TOP6BL: variants seen among roughly 807,000 people sequenced by gnomAD.
TOP6BL encodes TOP6B like initiator of meiotic double strand breaks.
At chr11:66,779,079 A>G in the TOP6BL span, among the ~76,000 whole-genome samples, 3 of 152,348 alleles carry the variant, frequency 2.0e-5, no homozygotes, top group Non-Finnish European at 2.9e-5. Context: ...AACCTAGGCA[A>G]TACCATTCAG....
the TOP6BL span, among the ~76,000 whole-genome samples, chr11:66,806,500 G>A: frequency 6.6e-6 from 1 of 152,204 alleles, no homozygotes; most frequent in Non-Finnish European, 1.5e-5. Flanking sequence ...GGACACGGTG[G>A]CTCATGCCTG....
At chr11:66,802,434 T>A in the TOP6BL span, among the ~76,000 whole-genome samples, 2 of 152,166 alleles carry the variant, frequency 1.3e-5, no homozygotes, top group African/African-American at 2.4e-5. Flanking sequence ...ATTACAGGCA[T>A]GAGCCACTGC....
the TOP6BL span, among the ~76,000 whole-genome samples, chr11:66,774,447 CTTTGT>C: frequency 1.3e-5 from 2 of 151,758 alleles, no homozygotes; most frequent in South Asian, 2.1e-4. Flanking sequence ...TTTGGTGTTT[CTTTGT>C]TTTGTTTTGT....
At chr11:66,763,296 A>G in the TOP6BL span, among the ~76,000 whole-genome samples, 3 of 152,182 alleles carry the variant, frequency 2.0e-5, no homozygotes, top group Non-Finnish European at 4.4e-5. Context: ...GGCCCTCTGA[A>G]TCTACCTTCC....
At chr11:66,783,099 A>T in the TOP6BL span, among the ~76,000 whole-genome samples, 1 of 152,202 alleles carries the variant, frequency 6.6e-6, no homozygotes, top group South Asian at 2.1e-4. Flanking sequence ...TAATCCCAGC[A>T]CTCTGGGAGG....
chr11:66,760,892 AT>A, the TOP6BL span, among the ~76,000 whole-genome samples: 1 of 152,064 alleles, frequency 6.6e-6, no homozygotes, highest in Non-Finnish European at 1.5e-5. Flanking sequence ...ATGTATTACC[AT>A]TTTTTAATGA....
the TOP6BL span, chr11:66,801,142 C>G: frequency 1.9e-6 from 3 of 1,583,110 alleles, no homozygotes; most frequent in East Asian, 2.2e-5. Context: ...GCATGTTTTA[C>G]TCTCCTCTCG....
chr11:66,810,197 G>A, the TOP6BL span, among the ~76,000 whole-genome samples: 1 of 152,116 alleles, frequency 6.6e-6, no homozygotes, highest in Non-Finnish European at 1.5e-5. Context: ...GAATTTTTCA[G>A]ACATAGAAAA....
the TOP6BL span, among the ~76,000 whole-genome samples, chr11:66,823,452 T>C: frequency 1.3e-5 from 2 of 152,224 alleles, no homozygotes; most frequent in Non-Finnish European, 2.9e-5. Flanking sequence ...GGAATAGTAG[T>C]ATGTATACCA....
At chr11:66,803,763 G>A in the TOP6BL span, among the ~76,000 whole-genome samples, 8 of 152,100 alleles carry the variant, frequency 5.3e-5, no homozygotes, top group East Asian at 1.9e-4. Flanking sequence ...AGAAGCATCC[G>A]TTAGTGGCAG....
At chr11:66,750,103 A>G in the TOP6BL span, among the ~76,000 whole-genome samples, 1 of 152,176 alleles carries the variant, frequency 6.6e-6, no homozygotes, top group Middle Eastern at 3.4e-3. Flanking sequence ...ATCAATATCC[A>G]TTTTTTAGAA....
At chr11:66,823,991 C>G in the TOP6BL span, among the ~76,000 whole-genome samples, 1 of 152,158 alleles carries the variant, frequency 6.6e-6, no homozygotes, top group Non-Finnish European at 1.5e-5. Context: ...CAAATCCTGA[C>G]TCATTTACTT....
the TOP6BL span, chr11:66,758,104 G>A: frequency 1.0e-6 from 1 of 980,852 alleles, no homozygotes; most frequent in Non-Finnish European, 1.2e-6. Context: ...GAACTATGAG[G>A]TCATGTTTCT....
the TOP6BL span, chr11:66,838,408 G>A: frequency 6.2e-7 from 1 of 1,613,936 alleles, no homozygotes; most frequent in Non-Finnish European, 8.5e-7. Flanking sequence ...AGGGCACTGA[G>A]GACGCACCTG....
At chr11:66,788,813 C>T in the TOP6BL span, among the ~76,000 whole-genome samples, 2 of 152,148 alleles carry the variant, frequency 1.3e-5, no homozygotes, top group African/African-American at 4.8e-5. Flanking sequence ...TTCACAGGTG[C>T]AGTCATAGCA....
chr11:66,836,512 T>A, the TOP6BL span, among the ~76,000 whole-genome samples: 2 of 149,020 alleles, frequency 1.3e-5, no homozygotes, highest in African/African-American at 4.9e-5. Context: ...CCTGGCCCTC[T>A]TTTGCCCATT....
chr11:66,822,752 G>A, the TOP6BL span: 4 of 1,020,560 alleles, frequency 3.9e-6, no homozygotes, highest in African/African-American at 1.6e-5. Context: ...GCCTATAATC[G>A]CAGCACTTTG....
chr11:66,750,560 CAAAA>C, the TOP6BL span, among the ~76,000 whole-genome samples: 1 of 151,394 alleles, frequency 6.6e-6, no homozygotes, highest in South Asian at 2.1e-4. Flanking sequence ...AACAAACAAA[CAAAA>C]AACCCGACAG....
At chr11:66,841,306 C>T in the TOP6BL span, among the ~76,000 whole-genome samples, 10 of 151,900 alleles carry the variant, frequency 6.6e-5, no homozygotes, top group East Asian at 9.7e-4. Flanking sequence ...TTAGTAGAGA[C>T]GGGGTTTCAC....
Sources: allele counts gnomAD v4.1 joint callset (sites outside exome capture counted in the v4.1 genomes callset), GRCh38; gene constraint gnomAD v4.1.1; transcripts MANE v1.5; gene names NCBI Gene and HGNC (gene_info 2026-07-23, HGNC 2026-07-21).